The following ART3 variants were observed in gnomAD, a reference collection of about 807,000 sequenced individuals.
ART3 encodes the protein ADP-ribosyltransferase 3 (inactive).
A neutral mutation model predicts 48.5 loss-of-function variants in ART3; 49 were observed. The ratio of observed to expected loss-of-function variants is 1.01; its 90% CI spans 0.80 to 1.28. The LOEUF (loss-of-function observed/expected upper bound fraction) is 1.28, where lower values mean the gene tolerates loss of function less well. Among genes scored for constraint, ART3 ranks in the 50% most tolerant of loss-of-function variants. ART3 has a pLI of 0.00. For missense variants in ART3, 438 were observed against 454.3 expected (o/e 0.96, Z 0.33); for synonymous variants, 145 against 157.2 (o/e 0.92, Z 0.58).
chr4:76,092,484 CA>C (rs1287063266), intron 3 of ART3, among the ~76,000 whole-genome samples: 1 of 152,084 alleles, frequency 6.6e-6, no homozygotes, highest in Non-Finnish European at 1.5e-5. Context: ...TTGCTTCTGA[CA>C]AAAAAATCTG....
At chr4:76,051,955 G>A (rs565700173) in intron 1 of ART3, among the ~76,000 whole-genome samples, 35 of 142,232 alleles carry the variant, frequency 2.5e-4, no homozygotes, top group African/African-American at 9.1e-4. Context: ...CCAGGCTGGA[G>A]TGGAGTGCAA....
At chr4:76,062,936 C>T (rs775310944) in intron 1 of ART3, among the ~76,000 whole-genome samples, 1 of 152,020 alleles carries the variant, frequency 6.6e-6, no homozygotes, top group East Asian at 1.9e-4. Flanking sequence ...TAGCTATTCT[C>T]TCTGTAAGGA....
intron 1 of ART3, among the ~76,000 whole-genome samples, chr4:76,050,023 T>C (rs1294332500): frequency 6.9e-6 from 1 of 144,002 alleles, no homozygotes; most frequent in Non-Finnish European, 1.5e-5. Flanking sequence ...GCGTCTGGAG[T>C]TGTTCGTTCC....
chr4:76,041,881 TTTC>T (rs1735008253), intron 1 of ART3, among the ~76,000 whole-genome samples: 1 of 152,230 alleles, frequency 6.6e-6, no homozygotes, highest in South Asian at 2.1e-4. Flanking sequence ...CCCTAGTTGT[TTTC>T]TTCTTTCTCT....
chr4:76,027,097 C>CA (rs1733456353), intron 1 of ART3, among the ~76,000 whole-genome samples: 1 of 151,922 alleles, frequency 6.6e-6, no homozygotes, highest in Non-Finnish European at 1.5e-5. Context: ...ACTAAAAATA[C>CA]AAAAAATTGG....
chr4:76,059,033 T>C (rs543190202), intron 1 of ART3, among the ~76,000 whole-genome samples: 3 of 152,356 alleles, frequency 2.0e-5, no homozygotes, highest in African/African-American at 7.2e-5. Context: ...CTGTCCTTGA[T>C]TGGCTGAAAC....
At chr4:76,060,415 C>T (rs1269695624) in intron 1 of ART3, among the ~76,000 whole-genome samples, 3 of 152,148 alleles carry the variant, frequency 2.0e-5, no homozygotes, top group Non-Finnish European at 2.9e-5. Flanking sequence ...TATTCTCCTT[C>T]TCAATCTCCT....
chr4:76,035,096 C>G, intron 1 of ART3: 1 of 1,613,480 alleles, frequency 6.2e-7, no homozygotes, highest in Non-Finnish European at 8.5e-7. Flanking sequence ...GCATCGTTGT[C>G]CTTTATTTTC....
At chr4:76,073,279 T>C (rs931289861), upstream of ART3, among the ~76,000 whole-genome samples, 7 of 152,244 alleles carry the variant, frequency 4.6e-5, no homozygotes, top group Non-Finnish European at 8.8e-5. Context: ...AGAACTTCTC[T>C]ACCTCATTTC....
intron 1 of ART3, chr4:76,022,522 C>T: frequency 6.5e-7 from 1 of 1,529,798 alleles, no homozygotes; most frequent in Non-Finnish European, 9.0e-7. Context: ...ATGGCATACG[C>T]AGTTCTGAAG....
At chr4:76,092,622 T>C (rs1468704691) in intron 3 of ART3, among the ~76,000 whole-genome samples, 2 of 152,210 alleles carry the variant, frequency 1.3e-5, no homozygotes, top group East Asian at 1.9e-4. Context: ...GTCATTTTTT[T>C]TTCATGTATC....
rs1284869538 is a variant in ART3 at position 76,081,932 on chromosome 4, A to G, written c.178A>G (p.Lys60Glu). The G allele has an allele frequency of 6.2e-7, 1 of 1,614,208 alleles. No homozygotes were observed. The highest frequency in any genetic ancestry group is 1.7e-5 in the Admixed American group (1 of 60,026). Reference protein sequence around the residue: ...KYVPQLLKEEKASHQQLDTVW... With the variant: ...KYVPQLLKEEEASHQQLDTVW... ...CGTTCCCCAACTGCTAAAGGAGGAA[A>G]AAGCAAGCCACCAGCAATTAGATAC... Residue 60 changes from lysine to glutamate, a missense_variant, in exon 3 of 12, where the codon AAA becomes GAA. This residue lies in a region of ART3 where 206 missense variants were observed against 205.3 expected (regional missense o/e 1.00). Coordinates refer to ENST00000355810, the MANE Select transcript of ART3 (RefSeq NM_001130016.3).
At chr4:76,022,554 T>G in intron 1 of ART3, 1 of 1,477,028 alleles carries the variant, frequency 6.8e-7, no homozygotes, top group South Asian at 1.2e-5. Flanking sequence ...AGTTTCACTC[T>G]GCATGTTTTT....
At chr4:76,112,130 A>G in intron 11 of ART3, 1 of 382,962 alleles carries the variant, frequency 2.6e-6, no homozygotes, top group Non-Finnish European at 4.6e-6. Context: ...TTTGGGAATC[A>G]GGTTACATGT....
At chr4:76,039,078 C>G (rs1458915630) in intron 1 of ART3, among the ~76,000 whole-genome samples, 2 of 149,882 alleles carry the variant, frequency 1.3e-5, no homozygotes, top group Non-Finnish European at 3.0e-5. Flanking sequence ...ATTTTCTCAT[C>G]TATAGACTGG....
chr4:76,101,145 GT>G, intron 8 of ART3, 126 bp downstream of exon 8: 1 of 1,142,724 alleles, frequency 8.8e-7, no homozygotes, highest in South Asian at 1.5e-5. Flanking sequence ...TAGCTTACTG[GT>G]TTGGTATATT....
intron 2 of ART3, among the ~76,000 whole-genome samples, chr4:76,077,781 T>G (rs1285924991): frequency 6.6e-6 from 1 of 152,196 alleles, no homozygotes; most frequent in East Asian, 1.9e-4. Context: ...CTGCCAAACT[T>G]TTTCACACTA....
At chr4:76,015,989 C>T (rs906642634) in intron 1 of ART3, among the ~76,000 whole-genome samples, 1 of 152,144 alleles carries the variant, frequency 6.6e-6, no homozygotes, top group African/African-American at 2.4e-5. Context: ...CATCAATATT[C>T]ATGAGAGATA....
chr4:76,020,280 G>A (rs1732676384), intron 1 of ART3, among the ~76,000 whole-genome samples: 1 of 151,704 alleles, frequency 6.6e-6, no homozygotes, highest in African/African-American at 2.4e-5. Context: ...ATTTTTTTTG[G>A]TAGAGACAGG....
Sources: allele counts gnomAD v4.1 joint callset (sites outside exome capture counted in the v4.1 genomes callset), GRCh38; gene constraint gnomAD v4.1.1; regional missense constraint gnomAD v4.1.1; transcripts MANE v1.5; gene names NCBI Gene and HGNC (gene_info 2026-07-23, HGNC 2026-07-21).